The following UVSSA variants were observed in gnomAD, a reference collection of about 807,000 sequenced individuals.
UVSSA encodes UV stimulated scaffold protein A, also known as UV-stimulated scaffold protein A.
Under a neutral mutation model 73.9 loss-of-function variants are expected in UVSSA, and 72 were observed. That is an observed-to-expected ratio of 0.97 (90% CI 0.81 to 1.19). The LOEUF (loss-of-function observed/expected upper bound fraction) is 1.19. Among genes scored for constraint, UVSSA ranks in the 50% most tolerant of loss-of-function variants. The pLI is 0.00. For synonymous variants in UVSSA, 454 were observed against 391.3 expected (o/e 1.16, Z -1.89); for missense variants, 1,150 against 965.0 (o/e 1.19, Z -2.54).
chr4:1,380,307 C>A lies in UVSSA; in HGVS notation c.1752+77C>A, dbSNP rs563898907. The stretch of plus-strand genomic sequence containing the variant: ...CAGCCAGAGGGGTGCTGAGCCCCAC[C>A]TGCCCCTGCCCTGGGTCAGGGTGCT... On this transcript the variant is annotated intron_variant, in intron 11 of 13. Coordinates refer to ENST00000389851, the MANE Select transcript of UVSSA (RefSeq NM_020894.4). The A allele has an allele frequency of 1.0e-5, 15 of 1,493,730 alleles. No individual in the cohort carries two copies. The East Asian group carries it at 3.1e-4, about 30-fold the overall frequency. 92.5% of individuals were successfully genotyped at this position (1,493,730 alleles called of 1,614,324 possible).
In UVSSA at chr4:1,386,891, A is replaced by T. The variant is rs1720164211; in HGVS notation, c.*930A>T. On this transcript the variant is annotated 3_prime_UTR_variant, in exon 14 of 14. Coordinates refer to ENST00000389851, the MANE Select transcript of UVSSA (RefSeq NM_020894.4). ...CACCACAACACCTGGCTAATTTTTT[A>T]AATTTTTTGTAGAGATGAGGTCTCA... 6.6e-6 allele frequency: 1 copy of T among 151,010 alleles called. No homozygotes were observed. Among genetic ancestry groups the T allele is most frequent in the Non-Finnish European group, 1.5e-5 (1 of 67,728 alleles). The allele number at this position is 151,010 out of a possible 1,614,324, so 9.4% of individuals were successfully genotyped here. A position where few individuals can be genotyped will look rare whatever the true frequency, so the allele number is the denominator to read the frequency against.
chr4:1,394,420 A>G (rs966620348), exon 14 of UVSSA: 4 of 1,578,454 alleles, frequency 2.5e-6, no homozygotes, highest in African/African-American at 1.4e-5. Flanking sequence ...TATTGAAATC[A>G]TTGATCTACT....
At chr4:1,380,843 C>G in intron 11 of UVSSA, 37 bp from the exon 12 acceptor site, 6 of 1,601,664 alleles carry the variant, frequency 3.7e-6, no homozygotes, top group Non-Finnish European at 5.1e-6. Flanking sequence ...CAAGCGGACC[C>G]CTCCCCGCCA....
At chr4:1,354,470 G>A in intron 5 of UVSSA, 2 of 502,530 alleles carry the variant, frequency 4.0e-6, no homozygotes, top group Non-Finnish European at 7.3e-6. Flanking sequence ...CCTCCAGATG[G>A]GATGGCTGCA....
At chr4:1,395,547 G>A (rs751786166) in exon 14 of UVSSA, 16 of 1,562,100 alleles carry the variant, frequency 1.0e-5, no homozygotes, top group Middle Eastern at 1.7e-4. Context: ...CTGCTCACAC[G>A]TGCCCATGTG....
Position 1,383,941 on chromosome 4 carries a change from G to A in UVSSA, c.2036+1G>A, listed in dbSNP as rs1335353807. 1 of 1,609,298 alleles carries A rather than the reference G, an allele frequency of 6.2e-7. No homozygotes were observed. The highest frequency in any genetic ancestry group is 1.1e-5 in the South Asian group (1 of 90,866). On this transcript the variant is annotated splice_donor_variant, in intron 13 of 13. Coordinates refer to ENST00000389851, the MANE Select transcript of UVSSA (RefSeq NM_020894.4). LOFTEE classifies it high-confidence loss of function. ...GCATTGGGAGAAAAGTCTTCGCCAA[G>A]TAAGAGTGGCTGCTGGGTCACCTCC...
Position 1,383,844 on chromosome 4 carries a change from A to G in UVSSA, c.1940A>G (p.Lys647Arg). The G allele has an allele frequency of 6.2e-7, 1 of 1,613,570 alleles. No homozygotes were observed. The highest frequency in any genetic ancestry group is 8.5e-7 in the Non-Finnish European group (1 of 1,179,994). ...QDLGSSRYSG[K>R]GRGKKRRYPS... is the part of the protein sequence containing the mutation. Reference sequence around the variant, plus strand: ...CTCGGCTCATCCAGGTACAGCGGGAAAGGCAGGGGGAAGAAGAGGAGGTAC... The same window carrying G: ...CTCGGCTCATCCAGGTACAGCGGGAGAGGCAGGGGGAAGAAGAGGAGGTAC... The change falls in exon 13 of 14, where the codon AAA becomes AGA. Residue 647 changes from lysine (K) to arginine (R), a missense_variant. By Grantham distance (26) the Lys-to-Arg change is conservative. Coordinates refer to ENST00000389851, the MANE Select transcript of UVSSA (RefSeq NM_020894.4).
At position 1,353,314 on chromosome 4, in the gene UVSSA, G is replaced by T. The variant is rs749098328; in HGVS notation, c.835G>T (p.Asp279Tyr). The stretch of plus-strand genomic sequence containing the variant: ...ACAGCCATCCCAGACAGCCACAGGT[G>T]ACCCCTCAGATGAGGACGAGGACAG... ...GAQPSQTATG[D>Y]PSDEDEDSDL... The change falls in exon 5 of 14, where the codon GAC (aspartate) becomes TAC (tyrosine). Residue 279 changes from aspartate to tyrosine, a missense_variant. Transcript: ENST00000389851. 6.2e-7 allele frequency: 1 copy of T among 1,611,724 alleles called. No homozygotes were observed. Among genetic ancestry groups the T allele is most frequent in the South Asian group, 1.1e-5 (1 of 91,068 alleles).
At chr4:1,389,877 C>T (rs1179415023), downstream of UVSSA, 1 of 152,116 alleles carries the variant, frequency 6.6e-6, no homozygotes, top group Admixed American at 6.5e-5. Flanking sequence ...CTTTTACTCC[C>T]CTTAGTCTAG....
chr4:1,343,969 G>T (rs967830827), upstream of UVSSA, among the ~76,000 whole-genome samples: 2 of 151,934 alleles, frequency 1.3e-5, no homozygotes, highest in African/African-American at 4.8e-5. Context: ...AGGCTATATT[G>T]CTGCATATAC....
chr4:1,371,674 C>T lies in UVSSA; in HGVS notation c.1289-3690C>T, dbSNP rs754878448. 1.4e-4 allele frequency among the ~76,000 whole-genome samples: 21 copies of T among 152,260 alleles called. 2 individuals are homozygous for T. Among genetic ancestry groups the T allele is most frequent in the East Asian group, 3.9e-4 (2 of 5,188 alleles). On this transcript the variant is annotated intron_variant, in intron 8 of 13. Coordinates refer to ENST00000389851, the MANE Select transcript of UVSSA (RefSeq NM_020894.4). ...GCAGCAGGCAGGGAGAGGGCTTGTGCGGAGAAACTCCCGCTTTTACAGCCG... is the reference window on the plus strand; with the variant it reads ...GCAGCAGGCAGGGAGAGGGCTTGTGTGGAGAAACTCCCGCTTTTACAGCCG...
intron 7 of UVSSA, among the ~76,000 whole-genome samples, chr4:1,364,638 G>A (rs1717074783): frequency 1.3e-5 from 2 of 152,182 alleles, no homozygotes; most frequent in Admixed American, 1.3e-4. Flanking sequence ...CCCCTTGCTT[G>A]GTATTCCTCC....
chr4:1,350,113 A>G (rs940307546), intron 3 of UVSSA, among the ~76,000 whole-genome samples: 4 of 147,888 alleles, frequency 2.7e-5, no homozygotes, highest in East Asian at 1.9e-4. Flanking sequence ...CTGAGGCTGC[A>G]TGTGTCATTT....
rs187112121 is a variant in UVSSA at position 1,357,519 on chromosome 4, C to T, written c.1176+2274C>T. 2.2e-3 allele frequency among the ~76,000 whole-genome samples: 336 copies of T among 152,346 alleles called. 1 individual carries two copies. Among genetic ancestry groups the T allele is most frequent in the African/African-American group, 7.7e-3 (320 of 41,574 alleles). ...GCAGCCTCCGGGACTGCTGGCAGCT[C>T]GGCCTGCTTGGGTGAGGATGAGGAG... is the stretch of plus-strand genomic sequence containing the variant. On this transcript the variant is annotated intron_variant, in intron 7 of 13. Coordinates refer to ENST00000389851, the MANE Select transcript of UVSSA (RefSeq NM_020894.4).
In UVSSA at chr4:1,383,854, G is replaced by A. The variant is rs778999089; in HGVS notation, c.1950G>A (p.Gly650=). 3.1e-6 allele frequency: 5 copies of A among 1,613,606 alleles called. No individual in the cohort carries two copies. Among genetic ancestry groups the A allele is most frequent in the Non-Finnish European group, 4.2e-6 (5 of 1,179,974 alleles). Reference sequence around the variant, plus strand: ...CCAGGTACAGCGGGAAAGGCAGGGGGAAGAAGAGGAGGTACCCCAGCCTCA... The same window carrying A: ...CCAGGTACAGCGGGAAAGGCAGGGGAAAGAAGAGGAGGTACCCCAGCCTCA... ...GSSRYSGKGR[G]KKRRYPSLTN... Residue 650 remains glycine, a synonymous_variant, in exon 13 of 14, where the codon GGG becomes GGA. Transcript: ENST00000389851.
chr4:1,345,941 G>T (rs977283781), upstream of UVSSA, among the ~76,000 whole-genome samples: 3 of 152,116 alleles, frequency 2.0e-5, no homozygotes, highest in Admixed American at 6.5e-5. Flanking sequence ...GAAGCCACAG[G>T]CCGGGGATTG....
At chr4:1,379,713 C>A (rs1453966702) in intron 10 of UVSSA, among the ~76,000 whole-genome samples, 1 of 151,774 alleles carries the variant, frequency 6.6e-6, no homozygotes, top group Non-Finnish European at 1.5e-5. Context: ...AGGGAGAGCC[C>A]ATCTTGCAGG....
At chr4:1,355,315 G>C in intron 7 of UVSSA, 70 bp downstream of exon 7, 1 of 1,393,430 alleles carries the variant, frequency 7.2e-7, no homozygotes, top group Non-Finnish European at 9.8e-7. Context: ...CTGTGGGGGG[G>C]TTGTGCCCTG....
intron 10 of UVSSA, among the ~76,000 whole-genome samples, chr4:1,379,610 G>T (rs926190109): frequency 6.6e-6 from 1 of 152,182 alleles, no homozygotes; most frequent in Non-Finnish European, 1.5e-5. Flanking sequence ...CTGTCCTTAC[G>T]TCCCTGCAGT....
Sources: gnomAD v4.1 joint callset for allele counts (sites outside exome capture counted in the v4.1 genomes callset) on GRCh38, gnomAD v4.1.1 for gene constraint, MANE v1.5 for transcripts, NCBI Gene and HGNC (gene_info 2026-07-23, HGNC 2026-07-21) for gene names.